Variants in CCDC88B observed in about 807,000 individuals in gnomAD.
CCDC88B encodes coiled-coil domain-containing protein 88B.
CCDC88B carries 138 observed loss-of-function variants against 183.7 expected under a neutral mutation model. That is an observed-to-expected ratio of 0.75 (90% CI 0.65 to 0.87). The LOEUF (loss-of-function observed/expected upper bound fraction) is 0.87, where lower values mean the gene tolerates loss of function less well. Among genes scored for constraint, CCDC88B ranks in the 40% least tolerant of loss-of-function variants. The pLI, the probability that CCDC88B is intolerant of heterozygous loss-of-function variation, is 0.00. For synonymous variants in CCDC88B, 835 were observed against 867.5 expected (o/e 0.96, Z 0.66); for missense variants, 1,822 against 1,965.6 (o/e 0.93, Z 1.38).
intron 18 of CCDC88B, 47 bp downstream of exon 18, chr11:64,351,663 C>T: frequency 1.3e-6 from 2 of 1,497,108 alleles, no homozygotes; most frequent in Non-Finnish European, 1.8e-6. Context: ...ACTGCCCCCT[C>T]CTGCTCCTTT....
intron 26 of CCDC88B, 54 bp downstream of exon 26, chr11:64,355,682 G>A: frequency 1.4e-6 from 2 of 1,476,106 alleles, no homozygotes; most frequent in Non-Finnish European, 9.1e-7. Context: ...TGGGGCCCCT[G>A]GCAGAACCTC....
chr11:64,349,182 T>G, intron 14 of CCDC88B, 149 bp from the exon 15 acceptor site: 2 of 934,820 alleles, frequency 2.1e-6, no homozygotes, highest in Non-Finnish European at 3.3e-6. Flanking sequence ...TGCTCCCATT[T>G]TATAGATGGG....
At chr11:64,352,973 C>T in intron 20 of CCDC88B, 81 bp from the exon 21 acceptor site, 1 of 1,502,588 alleles carries the variant, frequency 6.7e-7, no homozygotes, top group South Asian at 1.3e-5. Flanking sequence ...TCTGGCCTCC[C>T]CTCCCCGGCA....
rs1381100721 is a variant in CCDC88B at position 64,341,336 on chromosome 11, G to A, written c.447+8G>A. On this transcript the variant is annotated splice_region_variant and intron_variant, in intron 5 of 26. Coordinates refer to ENST00000356786, the MANE Select transcript of CCDC88B (RefSeq NM_032251.6). ...TTGGGAGCGTCAGTACAGGTGAGCC[G>A]GCGGTGGGAAGGAAAGGTTAGGGTC... 1 of 1,613,950 alleles carries A rather than the reference G, an allele frequency of 6.2e-7. No homozygotes were observed. The highest frequency in any genetic ancestry group is 8.5e-7 in the Non-Finnish European group (1 of 1,180,016).
At position 64,351,628 on chromosome 11, in the gene CCDC88B, C is replaced by G. The variant is rs1452085456; in HGVS notation, c.3099+12C>G. 1.9e-6 allele frequency: 3 copies of G among 1,553,110 alleles called. No homozygotes were observed. Among genetic ancestry groups the G allele is most frequent in the Non-Finnish European group, 2.6e-6 (3 of 1,157,294 alleles). On this transcript the variant is annotated intron_variant, in intron 18 of 26. Coordinates refer to ENST00000356786, the MANE Select transcript of CCDC88B (RefSeq NM_032251.6). ...GCAGCCGCCTGCAGGTGGGTGGTGG[C>G]CCGGGTGCCCATCCCTGCCCATGTA...
chr11:64,356,861 C>T (rs983106297), intron 26 of CCDC88B, 178 bp from the exon 27 acceptor site: 7 of 615,162 alleles, frequency 1.1e-5, no homozygotes, highest in Non-Finnish European at 1.2e-5. Context: ...TGTGGACATA[C>T]CTGAGAACAG....
Position 64,340,607 on chromosome 11 carries a change from G to A in CCDC88B, c.61G>A (p.Ala21Thr), listed in dbSNP as rs773481581. The A allele has an allele frequency of 6.2e-7, 1 of 1,608,000 alleles. No individual in the cohort carries two copies. The highest frequency in any genetic ancestry group is 2.2e-5 in the East Asian group (1 of 44,876). Reference sequence around the variant, plus strand: ...GCTGACCCCTCTGGGCTCCTCACAGGCGCTGGGACTGGCCGGGCTGGTCGG... The same window carrying A: ...GCTGACCCCTCTGGGCTCCTCACAGACGCTGGGACTGGCCGGGCTGGTCGG... Reference protein sequence around the residue: ...DFLSGSLATWALGLAGLVGEA... With the variant: ...DFLSGSLATWTLGLAGLVGEA... The change falls in exon 2 of 27, where the codon GCG becomes ACG. Residue 21 changes from alanine (A) to threonine (T), a missense_variant and splice_region_variant. Ala to Thr is a moderately conservative substitution (Grantham distance 58, BLOSUM62 0). Coordinates refer to ENST00000356786, the MANE Select transcript of CCDC88B (RefSeq NM_032251.6).
At position 64,354,142 on chromosome 11, in the gene CCDC88B, T is replaced by G; in HGVS notation, c.4071T>G (p.Leu1357=). 1 of 1,371,592 alleles carries G rather than the reference T, an allele frequency of 7.3e-7. No individual in the cohort carries two copies. The highest frequency in any genetic ancestry group is 1.5e-5 in the African/African-American group (1 of 68,520). 85.0% of individuals were successfully genotyped at this position (1,371,592 alleles called of 1,614,324 possible). The change falls in exon 24 of 27, where the codon CTT becomes CTG. Residue 1357 remains leucine (L), a synonymous_variant. Transcript: ENST00000356786. ...TGGGGGGCCCCCCGGAGACGGAGCT[T>G]CCTGAGGGCAGGGAGGCAGATGGGA... ...ESLGGPPETE[L]PEGREADGTG...
At position 64,357,182 on chromosome 11, in the gene CCDC88B, C is replaced by A; in HGVS notation, c.*88C>A. 1 of 1,501,298 alleles carries A rather than the reference C, an allele frequency of 6.7e-7. No homozygotes were observed. Among genetic ancestry groups the A allele is most frequent in the Non-Finnish European group, 9.3e-7 (1 of 1,077,886 alleles). 93.0% of individuals were successfully genotyped at this position (1,501,298 alleles called of 1,614,324 possible). A position where few individuals can be genotyped will look rare whatever the true frequency, so the allele number is the denominator to read the frequency against. On this transcript the variant is annotated 3_prime_UTR_variant, in exon 27 of 27. Transcript: ENST00000356786. ...CCAGGCAGCCCAAGAGCTCAGGGAG[C>A]CAGGGACCCCAAGGGGAGTCCTTGG...
chr11:64,345,132 G>C lies in CCDC88B; in HGVS notation c.2591G>C (p.Arg864Pro). 1 of 1,546,428 alleles carries C rather than the reference G, an allele frequency of 6.5e-7. No individual in the cohort carries two copies. Among genetic ancestry groups the C allele is most frequent in the Non-Finnish European group, 8.7e-7 (1 of 1,151,174 alleles). ...RQHLEEAERE[R>P]REKEALQAEL... is the part of the protein sequence containing the mutation. The stretch of plus-strand genomic sequence containing the variant: ...CACTTGGAGGAGGCTGAGAGGGAGC[G>C]CCGGGAGAAGGAGGCCCTCCAGGCG... The change falls in exon 14 of 27, where the codon CGC becomes CCC. Residue 864 changes from arginine (R) to proline (P), a missense_variant. Coordinates refer to ENST00000356786, the MANE Select transcript of CCDC88B (RefSeq NM_032251.6).
In CCDC88B at chr11:64,353,215, C is replaced by A; in HGVS notation, c.3662C>A (p.Ala1221Asp). 6.4e-7 allele frequency: 1 copy of A among 1,568,208 alleles called. No homozygotes were observed. The highest frequency in any genetic ancestry group is 8.6e-7 in the Non-Finnish European group (1 of 1,156,092). Residue 1221 changes from alanine (A) to aspartate (D), a missense_variant, in exon 21 of 27, where the codon GCC (alanine) becomes GAC (aspartate). Coordinates refer to ENST00000356786, the MANE Select transcript of CCDC88B (RefSeq NM_032251.6). Reference sequence around the variant, plus strand: ...TCCAACCAGCAGCTGGACCTGAGCGCCTGCCGGCTGACCACGCAGTGTGAG... The same window carrying A: ...TCCAACCAGCAGCTGGACCTGAGCGACTGCCGGCTGACCACGCAGTGTGAG... ...RESNQQLDLS[A>D]CRLTTQCELL...
chr11:64,356,891 C>G, intron 26 of CCDC88B, 148 bp from the exon 27 acceptor site: 1 of 711,334 alleles, frequency 1.4e-6, no homozygotes, highest in South Asian at 1.8e-5. Context: ...CAGAGGGAAC[C>G]GCTGAGGGAA....
chr11:64,341,685 C>T lies in CCDC88B; in HGVS notation c.618C>T (p.Ser206=), dbSNP rs903048027. The change falls in exon 7 of 27, where the codon TCC becomes TCT. Residue 206 remains serine (S), a synonymous_variant. Coordinates refer to ENST00000356786, the MANE Select transcript of CCDC88B (RefSeq NM_032251.6). ...ELAPAELEML[S]RSLMGTLSKL... is the part of the protein sequence containing the mutation. ...CACCTGCCGAGCTGGAGATGCTGTC[C>T]CGGAGCCTGATGGGGACACTGTCGA... The T allele has an allele frequency of 6.2e-7, 1 of 1,607,988 alleles. No homozygotes were observed. The highest frequency in any genetic ancestry group is 8.5e-7 in the Non-Finnish European group (1 of 1,177,442).
Position 64,343,530 on chromosome 11 carries a change from G to C in CCDC88B, c.1233G>C (p.Gln411His), listed in dbSNP as rs1278761559. ...AGGAGCTGGACTCTCTGCGGCATCA[G>C]GTGGACCAGCTGGCTGAGGAGAATG... is the stretch of plus-strand genomic sequence containing the variant. ...AHAELDSLRH[Q>H]VDQLAEENVE... Residue 411 changes from glutamine (Q) to histidine (H), a missense_variant, in exon 12 of 27, where the codon CAG (glutamine) becomes CAC (histidine). Physicochemically the swap from Gln to His is conservative, Grantham distance 24 (BLOSUM62 0). Transcript: ENST00000356786. 18 of 1,551,936 alleles carry C rather than the reference G, an allele frequency of 1.2e-5. No individual in the cohort carries two copies. The highest frequency in any genetic ancestry group is 2.0e-5 in the Admixed American group (1 of 51,032).
intron 7 of CCDC88B, 68 bp downstream of exon 7, chr11:64,341,810 C>G: frequency 6.5e-7 from 1 of 1,531,354 alleles, no homozygotes; most frequent in Non-Finnish European, 8.7e-7. Context: ...GCCGGTTGTG[C>G]AAGGGAGATG....
Position 64,349,679 on chromosome 11 carries a change from C to T in CCDC88B, c.2862+11C>T, listed in dbSNP as rs753561927. Reference sequence around the variant, plus strand: ...GAGGAGCTGTTCCAGGTGATGCCTGCCCGCCTGGGAGCTGGGGGCCATGCC... The same window carrying T: ...GAGGAGCTGTTCCAGGTGATGCCTGTCCGCCTGGGAGCTGGGGGCCATGCC... On this transcript the variant is annotated intron_variant, in intron 16 of 26. Transcript: ENST00000356786. The T allele has an allele frequency of 4.4e-6, 7 of 1,578,346 alleles. No homozygotes were observed. Among genetic ancestry groups the T allele is most frequent in the Non-Finnish European group, 6.0e-6 (7 of 1,161,008 alleles).
chr11:64,344,496 C>A lies in CCDC88B; in HGVS notation c.1955C>A (p.Pro652His). ...RQEGPEHKPG[P>H]SEPSSVQLEE... ...GAGGGCCCTGAGCACAAGCCAGGGC[C>A]TTCGGAGCCCAGCTCTGTGCAGCTG... is the stretch of plus-strand genomic sequence containing the variant. Residue 652 changes from proline to histidine, a missense_variant, in exon 14 of 27, where the codon CCT (proline) becomes CAT (histidine). Physicochemically the swap from Pro to His is moderately conservative, Grantham distance 77. Transcript: ENST00000356786. The surrounding 1 kb of genome is among the most constrained non-coding windows in gnomAD (Gnocchi z 4.5). 6.2e-7 allele frequency: 1 copy of A among 1,607,442 alleles called. No individual in the cohort carries two copies. The highest frequency in any genetic ancestry group is 1.1e-5 in the South Asian group (1 of 90,520).
Position 64,357,242 on chromosome 11 carries a change from C to T in CCDC88B, c.*148C>T, listed in dbSNP as rs771384162. Reference sequence around the variant, plus strand: ...CCTGGGCCCTGAGATCCTCCACGGTCAGCGCCGGGGCCCGGAGATGGAGCT... The same window carrying T: ...CCTGGGCCCTGAGATCCTCCACGGTTAGCGCCGGGGCCCGGAGATGGAGCT... On this transcript the variant is annotated 3_prime_UTR_variant, in exon 27 of 27. Coordinates refer to ENST00000356786, the MANE Select transcript of CCDC88B (RefSeq NM_032251.6). The T allele has an allele frequency of 2.3e-5, 22 of 967,978 alleles. No individual in the cohort carries two copies. Among genetic ancestry groups the T allele is most frequent in the Non-Finnish European group, 3.3e-5 (20 of 606,404 alleles). 60.0% of individuals were successfully genotyped at this position (967,978 alleles called of 1,614,324 possible). A position where few individuals can be genotyped will look rare whatever the true frequency, so the allele number is the denominator to read the frequency against.
At chr11:64,349,030 T>A (rs1351113879) in intron 14 of CCDC88B, 6 of 717,372 alleles carry the variant, frequency 8.4e-6, no homozygotes, top group Non-Finnish European at 1.6e-5. Flanking sequence ...ACTGCGCACA[T>A]GAAGAACCGT....
Sources: gnomAD v4.1 joint callset for allele counts on GRCh38, gnomAD v4.1.1 for gene constraint, Gnocchi (gnomAD v3.1) non-coding constraint, MANE v1.5 for transcripts, NCBI Gene and HGNC (gene_info 2026-07-23, HGNC 2026-07-21) for gene names.